Variants in EVL observed in about 807,000 individuals in gnomAD.
EVL encodes ena/VASP-like protein.
In EVL, 21 loss-of-function variants were observed where a neutral mutation model predicts 59.6. The ratio of observed to expected loss-of-function variants is 0.35; its 90% CI spans 0.25 to 0.51. The LOEUF is 0.51. EVL is among the 20% of genes least tolerant of loss of function. The pLI is 0.97. For synonymous variants in EVL, 198 were observed against 203.5 expected, an observed-to-expected ratio of 0.97 and a Z score of 0.23; for missense variants, 462 against 546.6, an observed-to-expected ratio of 0.85 and a Z score of 1.54.
intron 3 of EVL, among the ~76,000 whole-genome samples, chr14:100,110,765 A>G (rs1486373087): frequency 6.6e-6 from 1 of 152,202 alleles, no homozygotes; most frequent in Admixed American, 6.5e-5. Context: ...TGCAGTTTAC[A>G]TCCTAGAGAA....
chr14:100,121,086 C>T (rs1887667677), intron 3 of EVL, among the ~76,000 whole-genome samples: 1 of 152,164 alleles, frequency 6.6e-6, no homozygotes, highest in Admixed American at 6.5e-5. Context: ...GGTGCCACAT[C>T]CTCCGCCTTG....
chr14:100,096,797 C>G (rs990498201), intron 2 of EVL: 2 of 152,276 alleles, frequency 1.3e-5, no homozygotes, highest in African/African-American at 4.8e-5. Flanking sequence ...TGTCTGGATT[C>G]TGTCGTCTCT....
chr14:100,123,524 C>T lies in EVL; in HGVS notation c.359-15C>T, dbSNP rs575672332. 10 of 1,613,730 alleles carry T rather than the reference C, an allele frequency of 6.2e-6. No homozygotes were observed. The South Asian group carries it at 9.9e-5, about 16-fold the overall frequency. The stretch of plus-strand genomic sequence containing the variant: ...TTCCTCTAACCACACTGTTTCTGTG[C>T]TTCTCTGCCCACAGGCCCCTCCAGC... On this transcript the variant is annotated splice_polypyrimidine_tract_variant and intron_variant, in intron 3 of 13. Transcript: ENST00000392920.
At position 100,143,907 on chromosome 14, in the gene EVL, C is replaced by CAACT; in HGVS notation, c.*170_*173dup. The CAACT allele has an allele frequency of 1.4e-6, 1 of 715,396 alleles. No homozygotes were observed. The highest frequency in any genetic ancestry group is 2.3e-6 in the Non-Finnish European group (1 of 444,218). 44.3% of individuals were successfully genotyped at this position (715,396 alleles called of 1,614,324 possible). On this transcript the variant is annotated 3_prime_UTR_variant, in exon 14 of 14. Coordinates refer to ENST00000392920, the MANE Select transcript of EVL (RefSeq NM_016337.3). ...CACATGACAGTGAGGAAACCAAGTG[C>CAACT]AACTCCTGGGTTTTTTTAGATTCTG...
chr14:100,061,697 A>G (rs2061837918), upstream of EVL, among the ~76,000 whole-genome samples: 1 of 152,158 alleles, frequency 6.6e-6, no homozygotes, highest in African/African-American at 2.4e-5. Flanking sequence ...TGTTGTTGAC[A>G]GGAAGCCCTA....
chr14:100,103,382 A>C (rs1403706545), intron 3 of EVL, among the ~76,000 whole-genome samples: 1 of 151,998 alleles, frequency 6.6e-6, no homozygotes, highest in Non-Finnish European at 1.5e-5. Context: ...CTCTCCCTGG[A>C]ATGTTTTCTT....
intron 1 of EVL, among the ~76,000 whole-genome samples, chr14:100,020,473 GTGTGC>G (rs764844219): frequency 2.6e-5 from 4 of 151,654 alleles, no homozygotes; most frequent in Non-Finnish European, 4.4e-5. Flanking sequence ...GTGTGTGTGT[GTGTGC>G]ACGCACACAC....
chr14:100,052,977 C>G (rs2061670169), intron 1 of EVL: 1 of 152,268 alleles, frequency 6.6e-6, no homozygotes, highest in Non-Finnish European at 1.5e-5. Context: ...CACCTTCTTG[C>G]AGTGCACTCA....
At chr14:100,006,162 A>G (rs1169842563) in intron 1 of EVL, among the ~76,000 whole-genome samples, 1 of 152,198 alleles carries the variant, frequency 6.6e-6, no homozygotes, top group Non-Finnish European at 1.5e-5. Context: ...GAAAAAGACC[A>G]AAACAACAAC....
At chr14:100,057,380 G>A (rs948458302) in intron 1 of EVL, among the ~76,000 whole-genome samples, 2 of 152,182 alleles carry the variant, frequency 1.3e-5, no homozygotes, top group Non-Finnish European at 2.9e-5. Context: ...AGACTGCTCA[G>A]CTGACATCGG....
At chr14:99,994,445 T>A (rs1191009) in intron 1 of EVL, among the ~76,000 whole-genome samples, 10,017 of 152,164 alleles carry the variant, frequency 0.066, 508 homozygotes, top group East Asian at 0.28. Context: ...TCTATAGATA[T>A]TTTACTTGTG....
chr14:100,086,552 G>A (rs2062447603), intron 2 of EVL, among the ~76,000 whole-genome samples: 1 of 152,252 alleles, frequency 6.6e-6, no homozygotes, highest in South Asian at 2.1e-4. Context: ...ACGGCATGGT[G>A]TACTGGAAAG....
At chr14:100,086,045 C>T (rs560065596) in intron 2 of EVL, among the ~76,000 whole-genome samples, 36 of 152,256 alleles carry the variant, frequency 2.4e-4, no homozygotes, top group African/African-American at 6.7e-4. Context: ...AGGAGAATGG[C>T]GTGAACCCAG....
chr14:100,120,668 G>C (rs1010320386), intron 3 of EVL, among the ~76,000 whole-genome samples: 7 of 152,216 alleles, frequency 4.6e-5, no homozygotes, highest in Non-Finnish European at 8.8e-5. Flanking sequence ...CCAGTGTCCA[G>C]GTGCAGGAGG....
intron 1 of EVL, among the ~76,000 whole-genome samples, chr14:100,009,075 A>G (rs1406274867): frequency 6.6e-6 from 1 of 152,226 alleles, no homozygotes; most frequent in Non-Finnish European, 1.5e-5. Flanking sequence ...TCTCTTAGGC[A>G]TATGTTTGTG....
intron 1 of EVL, 136 bp from the exon 2 acceptor site, chr14:100,084,550 TC>T (rs764321018): frequency 6.8e-5 from 59 of 866,670 alleles, no homozygotes; most frequent in South Asian, 8.8e-5. Flanking sequence ...AGGCAGTTCT[TC>T]CATAGATGTT....
intron 1 of EVL, 85 bp downstream of exon 1, chr14:100,065,596 C>A: frequency 1.3e-6 from 1 of 766,438 alleles, no homozygotes; most frequent in Non-Finnish European, 1.9e-6. Flanking sequence ...TAGAAATTAT[C>A]TCAGGTCCCC....
intron 4 of EVL, among the ~76,000 whole-genome samples, chr14:100,126,129 C>T (rs1286183721): frequency 1.3e-5 from 2 of 152,196 alleles, no homozygotes; most frequent in African/African-American, 2.4e-5. Flanking sequence ...TTAAGAGCAC[C>T]CTGAGGCCAC....
intron 1 of EVL, among the ~76,000 whole-genome samples, chr14:100,043,352 G>T (rs2061496985): frequency 1.3e-5 from 2 of 151,046 alleles, no homozygotes; most frequent in Admixed American, 6.6e-5. Flanking sequence ...CTTATTAGAG[G>T]TATTGAGTCA....
Sources: allele counts gnomAD v4.1 joint callset (sites outside exome capture counted in the v4.1 genomes callset), GRCh38; gene constraint gnomAD v4.1.1; transcripts MANE v1.5; gene names NCBI Gene and HGNC (gene_info 2026-07-23, HGNC 2026-07-21).